The following MTCL2 variants were observed in gnomAD, a reference collection of about 807,000 sequenced individuals.
The protein encoded by MTCL2 is microtubule cross-linking factor 2.
chr20:36,796,808 G>T, the MTCL2 span: 1 of 1,447,768 alleles, frequency 6.9e-7, no homozygotes, highest in Non-Finnish European at 9.7e-7. Flanking sequence ...GGTGCAGGGC[G>T]CAGCAGGAGG....
chr20:36,839,376 C>G, the MTCL2 span: 1 of 1,613,400 alleles, frequency 6.2e-7, no homozygotes, highest in East Asian at 2.2e-5. The surrounding 1 kb of genome is among the most constrained non-coding windows in gnomAD (Gnocchi z 5.1). Context: ...GCAGCTGATA[C>G]ACGTCCTCCT....
chr20:36,825,913 T>C, the MTCL2 span, among the ~76,000 whole-genome samples: 4 of 152,364 alleles, frequency 2.6e-5, no homozygotes, highest in East Asian at 5.8e-4. Context: ...CCAGTGTTTC[T>C]TGAGCACCTA....
the MTCL2 span, chr20:36,785,191 T>G: frequency 2.0e-6 from 2 of 985,206 alleles, no homozygotes; most frequent in Non-Finnish European, 2.4e-6. Context: ...CCAGCTCTGT[T>G]GAGGGGCCCT....
At chr20:36,822,469 T>G in the MTCL2 span, among the ~76,000 whole-genome samples, 1 of 152,234 alleles carries the variant, frequency 6.6e-6, no homozygotes. Context: ...GTGTGGTACC[T>G]CTAAGCATCT....
chr20:36,784,865 C>A, the MTCL2 span: 1 of 985,502 alleles, frequency 1.0e-6, no homozygotes, highest in Non-Finnish European at 1.2e-6. Flanking sequence ...GGTTTATGTG[C>A]AAAGCTGCGA....
chr20:36,789,366 A>C, the MTCL2 span, among the ~76,000 whole-genome samples: 1 of 152,162 alleles, frequency 6.6e-6, no homozygotes, highest in Admixed American at 6.5e-5. Flanking sequence ...GATGAGATTA[A>C]CATGTAAATT....
At chr20:36,813,865 C>T in the MTCL2 span, among the ~76,000 whole-genome samples, 1 of 151,848 alleles carries the variant, frequency 6.6e-6, no homozygotes, top group Non-Finnish European at 1.5e-5. Context: ...AAGATCAAAC[C>T]TCCCGCATGC....
chr20:36,811,626 T>C, the MTCL2 span, among the ~76,000 whole-genome samples: 1 of 149,582 alleles, frequency 6.7e-6, no homozygotes, highest in African/African-American at 2.5e-5. Context: ...CGAGACTCAG[T>C]CTAAAAAAAA....
At chr20:36,810,892 G>C in the MTCL2 span, among the ~76,000 whole-genome samples, 1 of 151,962 alleles carries the variant, frequency 6.6e-6, no homozygotes, top group Non-Finnish European at 1.5e-5. Context: ...GCTAATTTTT[G>C]TATATTTTTG....
At chr20:36,805,684 T>C in the MTCL2 span, among the ~76,000 whole-genome samples, 4 of 152,346 alleles carry the variant, frequency 2.6e-5, no homozygotes, top group South Asian at 8.3e-4. Flanking sequence ...GTCTTGCCTA[T>C]GACCCCACAG....
At chr20:36,849,776 CACTGGA>C in the MTCL2 span, among the ~76,000 whole-genome samples, 1 of 152,188 alleles carries the variant, frequency 6.6e-6, no homozygotes, top group Non-Finnish European at 1.5e-5. Context: ...ATTTGGGGCC[CACTGGA>C]ACCTTTGCAC....
At chr20:36,855,260 A>G in the MTCL2 span, among the ~76,000 whole-genome samples, 2 of 152,232 alleles carry the variant, frequency 1.3e-5, no homozygotes, top group Non-Finnish European at 2.9e-5. Context: ...AGATGACGAG[A>G]CCGAGGCTCA....
chr20:36,851,995 T>C, the MTCL2 span, among the ~76,000 whole-genome samples: 1 of 152,116 alleles, frequency 6.6e-6, no homozygotes, highest in South Asian at 2.1e-4. Flanking sequence ...GGGGCTCAAG[T>C]CCCAGCCCAG....
chr20:36,838,659 T>C, the MTCL2 span, among the ~76,000 whole-genome samples: 3 of 151,908 alleles, frequency 2.0e-5, no homozygotes, highest in Non-Finnish European at 4.4e-5. Context: ...CAGGTGGTGG[T>C]TGATACTCAA....
chr20:36,807,139 AG>A, the MTCL2 span, among the ~76,000 whole-genome samples: 1 of 152,166 alleles, frequency 6.6e-6, no homozygotes, highest in Non-Finnish European at 1.5e-5. Flanking sequence ...CCAGGGCAGC[AG>A]GGTGTGGGCC....
the MTCL2 span, among the ~76,000 whole-genome samples, chr20:36,808,127 G>C: frequency 6.6e-6 from 1 of 150,848 alleles, no homozygotes; most frequent in East Asian, 2.0e-4. Flanking sequence ...CACCCGCCTC[G>C]GCCTCCCAAA....
At chr20:36,852,377 C>T in the MTCL2 span, among the ~76,000 whole-genome samples, 5 of 152,208 alleles carry the variant, frequency 3.3e-5, no homozygotes, top group East Asian at 7.7e-4. Context: ...GCCACAGGGG[C>T]GGCATGCCAG....
chr20:36,801,508 C>G, the MTCL2 span, among the ~76,000 whole-genome samples: 1 of 148,232 alleles, frequency 6.7e-6, no homozygotes, highest in South Asian at 2.2e-4. Context: ...ACCAGGAGCT[C>G]AAGTCCAGCC....
At chr20:36,834,273 C>A in the MTCL2 span, among the ~76,000 whole-genome samples, 5 of 152,052 alleles carry the variant, frequency 3.3e-5, no homozygotes, top group Non-Finnish European at 7.4e-5. Flanking sequence ...AATGTCACCC[C>A]CACTCTACAG....
Sources: allele counts gnomAD v4.1 joint callset (sites outside exome capture counted in the v4.1 genomes callset), GRCh38; gene constraint gnomAD v4.1.1; non-coding constraint Gnocchi (gnomAD v3.1); transcripts MANE v1.5; gene names NCBI Gene and HGNC (gene_info 2026-07-23, HGNC 2026-07-21).